The following IL15 variants were observed in gnomAD, a reference collection of about 807,000 sequenced individuals.
IL15 encodes interleukin-15.
Under a neutral mutation model 19.6 loss-of-function variants are expected in IL15, and 11 were observed. The ratio of observed to expected loss-of-function variants is 0.56; its 90% CI spans 0.35 to 0.93. The LOEUF is 0.93. Among genes scored for constraint, IL15 ranks in the 40% least tolerant of loss-of-function variants. The pLI is 0.01. For synonymous variants in IL15, 58 were observed against 59.6 expected (o/e 0.97, Z 0.12); for missense variants, 197 against 186.5 (o/e 1.06, Z -0.33).
Position 141,721,990 on chromosome 4 carries a change from A to C in IL15, c.177A>C (p.Lys59Asn). ...NWVNVISDLK[K>N]IEDLIQSMHI... Reference sequence around the variant, plus strand: ...TGAATGTAATAAGTGATTTGAAAAAAATTGAAGATCTTATTCAAGTGAGTA... The same window carrying C: ...TGAATGTAATAAGTGATTTGAAAAACATTGAAGATCTTATTCAAGTGAGTA... The change falls in exon 5 of 8, where the codon AAA becomes AAC. Residue 59 changes from lysine to asparagine, a missense_variant. By Grantham distance (94) the Lys-to-Asn change is moderately conservative. Coordinates refer to ENST00000320650, the MANE Select transcript of IL15 (RefSeq NM_000585.5). 6.3e-7 allele frequency: 1 copy of C among 1,592,184 alleles called. No homozygotes were observed. The highest frequency in any genetic ancestry group is 8.6e-7 in the Non-Finnish European group (1 of 1,163,538).
chr4:141,695,908 ACT>A (rs1488868152), intron 2 of IL15, among the ~76,000 whole-genome samples: 2 of 151,684 alleles, frequency 1.3e-5, no homozygotes, highest in African/African-American at 4.8e-5. Flanking sequence ...TTATCTCTTC[ACT>A]CTGTTAATAG....
intron 2 of IL15, among the ~76,000 whole-genome samples, chr4:141,713,721 A>G (rs1474800600): frequency 6.6e-6 from 1 of 152,130 alleles, no homozygotes; most frequent in Non-Finnish European, 1.5e-5. Context: ...TCATGCCTAG[A>G]ATATATCCAA....
chr4:141,708,613 TAAG>T (rs1179208177), intron 2 of IL15, among the ~76,000 whole-genome samples: 1 of 152,130 alleles, frequency 6.6e-6, no homozygotes, highest in African/African-American at 2.4e-5. Context: ...CTTTACCCCA[TAAG>T]AAGAAGTCTC....
intron 2 of IL15, among the ~76,000 whole-genome samples, chr4:141,683,881 A>T (rs1728622362): frequency 6.6e-6 from 1 of 152,252 alleles, no homozygotes; most frequent in Non-Finnish European, 1.5e-5. Flanking sequence ...CAAGGATTCT[A>T]AAGGGATTTA....
At chr4:141,716,182 C>T (rs1032388213) in intron 2 of IL15, 1 of 152,356 alleles carries the variant, frequency 6.6e-6, no homozygotes, top group African/African-American at 2.4e-5. Context: ...CAGTGAGATC[C>T]AATCACAAGA....
intron 2 of IL15, among the ~76,000 whole-genome samples, chr4:141,689,642 A>C (rs2152176460): frequency 6.6e-6 from 1 of 152,250 alleles, no homozygotes; most frequent in Admixed American, 6.5e-5. Flanking sequence ...CGATTGGTGC[A>C]TTCACAAACA....
chr4:141,729,154 C>A (rs1730366607), intron 6 of IL15, among the ~76,000 whole-genome samples: 1 of 151,974 alleles, frequency 6.6e-6, no homozygotes, highest in African/African-American at 2.4e-5. Flanking sequence ...TTTTTTTATC[C>A]ATTCAGTAAG....
In IL15 at chr4:141,658,861, A is replaced by T. The variant is rs910374834; in HGVS notation, c.-100+2554A>T. ...TTCCTAGAAATTATTGTTTCTTGGA[A>T]TTTTTTTTTTTTTTTTGAGACAGAG... On this transcript the variant is annotated intron_variant, in intron 2 of 7. Transcript: ENST00000320650. 5.1e-5 allele frequency among the ~76,000 whole-genome samples: 7 copies of T among 136,664 alleles called. No individual in the cohort carries two copies. The Admixed American group carries it at 5.1e-4, about 10-fold the overall frequency. The allele number at this position is 136,664 out of a possible 152,430, so 89.7% of individuals were successfully genotyped here.
Position 141,727,941 on chromosome 4 carries a change from C to T in IL15, c.197C>T (p.Ser66Phe), listed in dbSNP as rs1730322524. 1.6e-6 allele frequency: 2 copies of T among 1,268,464 alleles called. No homozygotes were observed. The highest frequency in any genetic ancestry group is 2.3e-6 in the Non-Finnish European group (2 of 887,220). The allele number at this position is 1,268,464 out of a possible 1,614,324, so 78.6% of individuals were successfully genotyped here. Residue 66 changes from serine to phenylalanine, a missense_variant and splice_region_variant, in exon 6 of 8, where the codon TCT (serine) becomes TTT (phenylalanine). Transcript: ENST00000320650. Reference protein sequence around the residue: ...DLKKIEDLIQSMHIDATLYTE... With the variant: ...DLKKIEDLIQFMHIDATLYTE... ...TTGTCTAATTTTGTTTCCTTTCAGT[C>T]TATGCATATTGATGCTACTTTATAT...
intron 2 of IL15, among the ~76,000 whole-genome samples, chr4:141,709,292 T>C (rs2152185320): frequency 6.6e-6 from 1 of 152,288 alleles, no homozygotes. Context: ...ATTCTGTATG[T>C]TTATTTTTAA....
intron 2 of IL15, among the ~76,000 whole-genome samples, chr4:141,667,076 G>T (rs575142231): frequency 1.3e-5 from 2 of 152,272 alleles, no homozygotes; most frequent in African/African-American, 4.8e-5. Flanking sequence ...ACGTGCGGGT[G>T]GGTGGCACAT....
intron 5 of IL15, among the ~76,000 whole-genome samples, chr4:141,727,270 CTG>C (rs1280471130): frequency 7.9e-5 from 12 of 152,166 alleles, no homozygotes; most frequent in Middle Eastern, 3.4e-3. Flanking sequence ...AATAGGGAAA[CTG>C]GGGTGGAGAA....
intron 1 of IL15, among the ~76,000 whole-genome samples, chr4:141,648,705 C>T (rs978715644): frequency 6.6e-6 from 1 of 152,014 alleles, no homozygotes; most frequent in Non-Finnish European, 1.5e-5. Flanking sequence ...TGTAAAGAAC[C>T]TCTAAAACTG....
intron 5 of IL15, among the ~76,000 whole-genome samples, chr4:141,723,286 T>C (rs1185915112): frequency 1.3e-5 from 2 of 152,162 alleles, no homozygotes; most frequent in African/African-American, 4.8e-5. Flanking sequence ...GCAAATATAA[T>C]TAATGAAATT....
chr4:141,668,354 C>G (rs1410384519), intron 2 of IL15, among the ~76,000 whole-genome samples: 1 of 152,216 alleles, frequency 6.6e-6, no homozygotes, highest in Non-Finnish European at 1.5e-5. Context: ...CTCTTCAGTG[C>G]AAGCCTCTGA....
intron 2 of IL15, among the ~76,000 whole-genome samples, chr4:141,696,236 G>A (rs757614486): frequency 5.3e-5 from 8 of 151,984 alleles, no homozygotes; most frequent in Non-Finnish European, 1.0e-4. Context: ...TTGAATATCC[G>A]CTGTAGGCAT....
chr4:141,640,760 A>G (rs1323257037), intron 1 of IL15, among the ~76,000 whole-genome samples: 1 of 152,248 alleles, frequency 6.6e-6, no homozygotes, highest in East Asian at 1.9e-4. Flanking sequence ...TGTAGACCGT[A>G]TAAAAATGGA....
At chr4:141,693,322 G>A (rs1164807059) in intron 2 of IL15, among the ~76,000 whole-genome samples, 1 of 152,030 alleles carries the variant, frequency 6.6e-6, no homozygotes, top group African/African-American at 2.4e-5. Flanking sequence ...CGACACATGG[G>A]CATTACAGTT....
chr4:141,693,682 A>G (rs1221553592), intron 2 of IL15, among the ~76,000 whole-genome samples: 13 of 152,224 alleles, frequency 8.5e-5, no homozygotes, highest in African/African-American at 3.1e-4. Context: ...AACAAGAATA[A>G]CAAATCAGTA....
Sources: gnomAD v4.1 joint callset for allele counts (sites outside exome capture counted in the v4.1 genomes callset) on GRCh38, gnomAD v4.1.1 for gene constraint, MANE v1.5 for transcripts, NCBI Gene and HGNC (gene_info 2026-07-23, HGNC 2026-07-21) for gene names.